Variants in SCUBE1 observed in about 807,000 individuals in gnomAD.
The protein encoded by SCUBE1 is signal peptide, CUB domain and EGF like domain containing 1, also known as signal peptide, CUB and EGF-like domain-containing protein 1.
SCUBE1 carries 59 observed loss-of-function variants against 124.4 expected under a neutral mutation model. The ratio of observed to expected loss-of-function variants is 0.47; its 90% CI spans 0.38 to 0.59. The LOEUF (loss-of-function observed/expected upper bound fraction) is 0.59. SCUBE1 is among the 20% of genes least tolerant of loss of function. The probability of loss-of-function intolerance (pLI) is 0.00; values close to 1 mark genes in which losing one functional copy is unlikely to be tolerated. For missense variants in SCUBE1, 1,150 were observed against 1,371.2 expected, an observed-to-expected ratio of 0.84 and a Z score of 2.55; for synonymous variants, 545 against 550.9, an observed-to-expected ratio of 0.99 and a Z score of 0.15.
intron 3 of SCUBE1, among the ~76,000 whole-genome samples, chr22:43,304,088 G>T (rs896283019): frequency 3.3e-5 from 5 of 152,196 alleles, no homozygotes; most frequent in African/African-American, 4.8e-5. Flanking sequence ...ATTGCCTTCA[G>T]AGAGCTCCCC....
chr22:43,226,574 G>A (rs982130002), intron 10 of SCUBE1, among the ~76,000 whole-genome samples: 8 of 150,160 alleles, frequency 5.3e-5, no homozygotes, highest in Admixed American at 3.3e-4. Context: ...CATTCCAAGC[G>A]CTGTGGCTTT....
chr22:43,277,774 G>A (rs562919889), intron 4 of SCUBE1, among the ~76,000 whole-genome samples: 2 of 152,360 alleles, frequency 1.3e-5, no homozygotes, highest in African/African-American at 4.8e-5. Flanking sequence ...GATCTGGACC[G>A]GGCTCTACAT....
At chr22:43,274,014 T>C (rs953582337) in intron 4 of SCUBE1, among the ~76,000 whole-genome samples, 1 of 152,176 alleles carries the variant, frequency 6.6e-6, no homozygotes, top group African/African-American at 2.4e-5. Flanking sequence ...CTGGAGCCCC[T>C]GCCCTGCCTC....
At chr22:43,339,374 A>C in intron 1 of SCUBE1, 139 bp from the exon 2 acceptor site, 2 of 788,016 alleles carry the variant, frequency 2.5e-6, no homozygotes, top group Non-Finnish European at 4.0e-6. Flanking sequence ...CTGTCACAGG[A>C]CAATCTGGTG....
chr22:43,238,292 A>T (rs991438634), intron 7 of SCUBE1: 3 of 165,878 alleles, frequency 1.8e-5, no homozygotes, highest in African/African-American at 7.2e-5. Context: ...AGAAGTCCTG[A>T]GTCCTTATCT....
intron 2 of SCUBE1, among the ~76,000 whole-genome samples, chr22:43,328,193 G>A (rs1926788817): frequency 6.6e-6 from 1 of 152,180 alleles, no homozygotes; most frequent in African/African-American, 2.4e-5. Context: ...AGCCCTTGCT[G>A]GGGGCTGCTC....
In SCUBE1 at chr22:43,203,957, C is replaced by T. The variant is rs557916735; in HGVS notation, c.*40G>A. ...CACTGTGGAGGGCAGGTGCACCCTC[C>T]GCGGACCAGGCCACCCCCAGGCAGG... On this transcript the variant is annotated 3_prime_UTR_variant, in exon 22 of 22. Coordinates refer to ENST00000360835, the MANE Select transcript of SCUBE1 (RefSeq NM_173050.5). 4.5e-5 allele frequency: 73 copies of T among 1,608,610 alleles called. No homozygotes were observed. The highest frequency in any genetic ancestry group is 1.7e-4 in the African/African-American group (13 of 74,946).
chr22:43,303,509 C>T (rs12170036), intron 3 of SCUBE1, among the ~76,000 whole-genome samples: 3,085 of 152,344 alleles, frequency 0.02, 56 homozygotes, highest in African/African-American at 0.051. Flanking sequence ...GCTGACATAC[C>T]GGAGAAAGGC....
chr22:43,269,462 C>T (rs767859537), intron 4 of SCUBE1, among the ~76,000 whole-genome samples: 4 of 152,190 alleles, frequency 2.6e-5, no homozygotes, highest in Non-Finnish European at 5.9e-5. Context: ...CCTTTCTTGC[C>T]GCCACGGTCG....
intron 6 of SCUBE1, among the ~76,000 whole-genome samples, chr22:43,239,567 T>C (rs5751452): frequency 0.055 from 8,315 of 152,346 alleles, 712 homozygotes; most frequent in East Asian, 0.43. Context: ...TTTTCTTTTT[T>C]CTCCAAAATT....
intron 3 of SCUBE1, among the ~76,000 whole-genome samples, chr22:43,315,002 T>C (rs1183782663): frequency 7.0e-6 from 1 of 143,182 alleles, no homozygotes; most frequent in Non-Finnish European, 1.5e-5. Context: ...TGAGATGGAA[T>C]GATGCTAGAA....
chr22:43,311,616 G>A (rs569707474), intron 3 of SCUBE1, among the ~76,000 whole-genome samples: 2 of 150,438 alleles, frequency 1.3e-5, no homozygotes, highest in Non-Finnish European at 3.0e-5. Flanking sequence ...TAGTAGAAAC[G>A]GTGTTTCACC....
intron 2 of SCUBE1, among the ~76,000 whole-genome samples, chr22:43,328,248 C>G (rs1281770328): frequency 2.0e-5 from 3 of 150,868 alleles, no homozygotes; most frequent in Admixed American, 1.3e-4. Context: ...GCAGCCTGGT[C>G]AAGTGAAAAT....
chr22:43,336,819 A>G (rs1927096183), intron 2 of SCUBE1, among the ~76,000 whole-genome samples: 2 of 152,192 alleles, frequency 1.3e-5, no homozygotes, highest in Non-Finnish European at 2.9e-5. Flanking sequence ...AGGCAAACCT[A>G]AAGAATGATT....
In SCUBE1 at chr22:43,298,849, A is replaced by G. The variant is rs531938173; in HGVS notation, c.350-7669T>C. Among the ~76,000 whole-genome samples, 32 of 152,102 alleles carry G rather than the reference A, an allele frequency of 2.1e-4. No individual in the cohort carries two copies. In the East Asian group the frequency reaches 4.5e-3, roughly 21 times the overall value. On this transcript the variant is annotated intron_variant, in intron 3 of 21. Coordinates refer to ENST00000360835, the MANE Select transcript of SCUBE1 (RefSeq NM_173050.5). ...GGGCGGATCACAAGGTCAGGAGATC[A>G]AGACCATCCTGGCTAACACGGTGAA...
At chr22:43,330,367 A>G (rs1221411620) in intron 2 of SCUBE1, among the ~76,000 whole-genome samples, 1 of 152,308 alleles carries the variant, frequency 6.6e-6, no homozygotes, top group East Asian at 1.9e-4. Flanking sequence ...AGCCCAGAGG[A>G]CACCTCCTCT....
At chr22:43,320,996 C>A (rs1926526026) in intron 2 of SCUBE1, among the ~76,000 whole-genome samples, 4 of 152,190 alleles carry the variant, frequency 2.6e-5, no homozygotes, top group Admixed American at 1.3e-4. Context: ...CCCCCTGAGA[C>A]CCCTCTGGCC....
intron 2 of SCUBE1, among the ~76,000 whole-genome samples, chr22:43,337,423 G>C (rs563879471): frequency 1.3e-5 from 2 of 152,318 alleles, no homozygotes; most frequent in East Asian, 3.9e-4. Context: ...CGGGACACTG[G>C]GTCTGGAAGG....
chr22:43,255,152 G>A lies in SCUBE1; in HGVS notation c.727+3067C>T, dbSNP rs77811821. On this transcript the variant is annotated intron_variant, in intron 6 of 21. Coordinates refer to ENST00000360835, the MANE Select transcript of SCUBE1 (RefSeq NM_173050.5). This position sits in a 1 kb window ranked among gnomAD's most constrained non-coding sequence, Gnocchi z 4.7. ...CAAGTCGGGGAGCTTTACGACACACGTCTCCTTACACGCACAGGCCAGTGG... is the reference window on the plus strand; with the variant it reads ...CAAGTCGGGGAGCTTTACGACACACATCTCCTTACACGCACAGGCCAGTGG... 9.4e-3 allele frequency among the ~76,000 whole-genome samples: 1,430 copies of A among 152,334 alleles called. 25 individuals carry two copies. The highest frequency in any genetic ancestry group is 0.033 in the African/African-American group (1,378 of 41,578).
Sources: gnomAD v4.1 joint callset for allele counts (sites outside exome capture counted in the v4.1 genomes callset) on GRCh38, gnomAD v4.1.1 for gene constraint, Gnocchi (gnomAD v3.1) non-coding constraint, MANE v1.5 for transcripts, NCBI Gene and HGNC (gene_info 2026-07-23, HGNC 2026-07-21) for gene names.